Variants in TRPS1 observed in about 807,000 individuals in gnomAD.
TRPS1 encodes the protein transcriptional repressor GATA binding 1.
Under a neutral mutation model 101.2 loss-of-function variants are expected in TRPS1, and 6 were observed. The observed-to-expected ratio is 0.06, with a 90% CI of 0.03 to 0.12. The LOEUF is 0.12. Ranked by LOEUF, TRPS1 falls within the 10% of genes least tolerant of loss-of-function variation. TRPS1 has a pLI of 1.00. For synonymous variants in TRPS1, 578 were observed against 589.8 expected, an observed-to-expected ratio of 0.98 and a Z score of 0.29; for missense variants, 1,363 against 1,567.0, an observed-to-expected ratio of 0.87 and a Z score of 2.20.
At chr8:115,583,962 T>G (rs1221498408) in intron 5 of TRPS1, among the ~76,000 whole-genome samples, 2 of 152,024 alleles carry the variant, frequency 1.3e-5, no homozygotes, top group African/African-American at 4.8e-5. Flanking sequence ...ATTTTAGCTC[T>G]TCTTGTGATT....
At position 115,619,968 on chromosome 8, in the gene TRPS1, A is replaced by C. The variant is rs1447650761; in HGVS notation, c.130T>G (p.Ser44Ala). 1.2e-6 allele frequency: 2 copies of C among 1,614,124 alleles called. No homozygotes were observed. The highest frequency in any genetic ancestry group is 2.2e-5 in the South Asian group (2 of 91,086). The stretch of plus-strand genomic sequence containing the variant: ...GCAGAAAATTCTTTGTTCTTTCCAG[A>C]TACCTTGCTTTCTGTACCTATAGGC... ...LEPIGTESKV[S>A]GKNKEFSADQ... is the part of the protein sequence containing the mutation. The change falls in exon 3 of 7, where the codon TCT (serine) becomes GCT (alanine). Residue 44 changes from serine (S) to alanine (A), a missense_variant. Transcript: ENST00000395715.
intron 5 of TRPS1, among the ~76,000 whole-genome samples, chr8:115,444,054 C>T (rs1031195068): frequency 3.9e-5 from 6 of 152,198 alleles, no homozygotes; most frequent in African/African-American, 1.2e-4. Context: ...CTCACTCCTT[C>T]GCCATGTAGT....
At chr8:115,629,941 A>G (rs914508168) in intron 1 of TRPS1, among the ~76,000 whole-genome samples, 2 of 151,824 alleles carry the variant, frequency 1.3e-5, no homozygotes, top group African/African-American at 4.8e-5. Context: ...ACCCTTGAAA[A>G]TCCCAAGCAG....
At chr8:115,474,504 T>C (rs191632461) in intron 5 of TRPS1, among the ~76,000 whole-genome samples, 1 of 152,266 alleles carries the variant, frequency 6.6e-6, no homozygotes, top group East Asian at 1.9e-4. Flanking sequence ...GGTTATGCAC[T>C]TTACTTCTCT....
In TRPS1 at chr8:115,642,000, G is replaced by T. The variant is rs992172980; in HGVS notation, c.-121-18242C>A. 2.0e-5 allele frequency among the ~76,000 whole-genome samples: 3 copies of T among 152,178 alleles called. No homozygotes were observed. The East Asian group carries it at 5.8e-4, about 29-fold the overall frequency. ...ACTGAGATGGGAAGAATTCCTTGAGGCCAGGAGTTCAGGACCAGCCTGGAA... is the reference window on the plus strand; with the variant it reads ...ACTGAGATGGGAAGAATTCCTTGAGTCCAGGAGTTCAGGACCAGCCTGGAA... On this transcript the variant is annotated intron_variant, in intron 1 of 6. Transcript: ENST00000395715.
At chr8:115,451,693 G>A (rs1372203710) in intron 5 of TRPS1, among the ~76,000 whole-genome samples, 1 of 152,098 alleles carries the variant, frequency 6.6e-6, no homozygotes, top group Non-Finnish European at 1.5e-5. Context: ...TTCAACCCTG[G>A]CACAAGATAC....
intron 1 of TRPS1, chr8:115,637,213 G>C: frequency 1.0e-6 from 1 of 973,968 alleles, no homozygotes; most frequent in Non-Finnish European, 1.2e-6. Context: ...GAAGAAGCTA[G>C]GTTTAAACCA....
In TRPS1 at chr8:115,465,978, G is replaced by A. The variant is rs144870687; in HGVS notation, c.2701-47526C>T. Among the ~76,000 whole-genome samples the A allele has an allele frequency of 1.6e-4, 25 of 152,246 alleles. No homozygotes were observed. In the East Asian group the frequency reaches 4.6e-3, roughly 28 times the overall value. On this transcript the variant is annotated intron_variant, in intron 5 of 6. Transcript: ENST00000395715. ...TCAATCTAGATCATGAAGGATTCCT[G>A]TACAAATGCAGGTAGTAACAAGGTC... is the stretch of plus-strand genomic sequence containing the variant.
intron 1 of TRPS1, among the ~76,000 whole-genome samples, chr8:115,625,163 A>G (rs1378304698): frequency 1.3e-5 from 2 of 151,946 alleles, no homozygotes; most frequent in African/African-American, 2.4e-5. Context: ...TGTAAATTCT[A>G]TAAATTCTAT....
chr8:115,527,603 T>C (rs1816030179), intron 5 of TRPS1, among the ~76,000 whole-genome samples: 1 of 152,072 alleles, frequency 6.6e-6, no homozygotes, highest in African/African-American at 2.4e-5. Flanking sequence ...AATGCACTAA[T>C]GGGCAATTTA....
Position 115,447,173 on chromosome 8 carries a change from T to C in TRPS1, c.2701-28721A>G, listed in dbSNP as rs800872. On this transcript the variant is annotated intron_variant, in intron 5 of 6. Transcript: ENST00000395715. ...CAGTCTTTTAGCTCCAGCTGTACTA[T>C]GGCCTTCTGGGTTCTGCTACATCTT... Among the ~76,000 whole-genome samples, 751 of 152,322 alleles carry C rather than the reference T, an allele frequency of 4.9e-3. 8 individuals are homozygous for C. The highest frequency in any genetic ancestry group is 0.027 in the Middle Eastern group (8 of 294).
At chr8:115,541,428 T>TTTCACTGG (rs1250598575) in intron 5 of TRPS1, among the ~76,000 whole-genome samples, 8 of 152,208 alleles carry the variant, frequency 5.3e-5, no homozygotes, top group African/African-American at 1.9e-4. Context: ...TGTAACCAAT[T>TTTCACTGG]TTCACTGGTT....
intron 3 of TRPS1, among the ~76,000 whole-genome samples, chr8:115,605,893 T>C (rs746859074): frequency 6.6e-6 from 1 of 152,124 alleles, no homozygotes; most frequent in African/African-American, 2.4e-5. Context: ...AAATCCTTCC[T>C]CCATTCTCAG....
chr8:115,548,471 G>A (rs2130330410), intron 5 of TRPS1, among the ~76,000 whole-genome samples: 1 of 152,084 alleles, frequency 6.6e-6, no homozygotes, highest in African/African-American at 2.4e-5. Flanking sequence ...CTGAGTAGCT[G>A]GGATTACAGG....
chr8:115,583,870 A>T (rs973593493), intron 5 of TRPS1, among the ~76,000 whole-genome samples: 1 of 152,094 alleles, frequency 6.6e-6, no homozygotes, highest in Non-Finnish European at 1.5e-5. Flanking sequence ...TATTGAACAC[A>T]AAACTAAAAG....
intron 5 of TRPS1, among the ~76,000 whole-genome samples, chr8:115,535,225 TATATATATAGC>T (rs750754066): frequency 1.7e-4 from 12 of 69,712 alleles, no homozygotes; most frequent in African/African-American, 1.1e-3. Flanking sequence ...ATATATAGCA[TATATATATAGC>T]ATATATAGCA....
chr8:115,609,785 C>T (rs796744465), intron 3 of TRPS1, among the ~76,000 whole-genome samples: 1 of 152,124 alleles, frequency 6.6e-6, no homozygotes, highest in South Asian at 2.1e-4. Context: ...TGATTTTAGC[C>T]CTAGTTTTAA....
chr8:115,552,286 A>G (rs527277706), intron 5 of TRPS1, among the ~76,000 whole-genome samples: 1 of 152,148 alleles, frequency 6.6e-6, no homozygotes, highest in Non-Finnish European at 1.5e-5. Flanking sequence ...AAATTAAAGT[A>G]TCTGTCTGAG....
intron 5 of TRPS1, among the ~76,000 whole-genome samples, chr8:115,549,069 A>C (rs887531072): frequency 1.3e-5 from 2 of 152,230 alleles, no homozygotes; most frequent in African/African-American, 2.4e-5. Flanking sequence ...AACAGATGAG[A>C]GACATTCTGG....
Sources: gnomAD v4.1 joint callset for allele counts (sites outside exome capture counted in the v4.1 genomes callset) on GRCh38, gnomAD v4.1.1 for gene constraint, MANE v1.5 for transcripts, NCBI Gene and HGNC (gene_info 2026-07-23, HGNC 2026-07-21) for gene names.